The following NBEA variants were observed in gnomAD, a reference collection of about 807,000 sequenced individuals.
NBEA encodes lysosomal-trafficking regulator 2.
A neutral mutation model predicts 343.4 loss-of-function variants in NBEA; 44 were observed. That is an observed-to-expected ratio of 0.13 (90% CI 0.10 to 0.16). The LOEUF is 0.16. Ranked by LOEUF, NBEA falls within the 10% of genes least tolerant of loss-of-function variation. The pLI, the probability that NBEA is intolerant of heterozygous loss-of-function variation, is 1.00. For synonymous variants in NBEA, 1,175 were observed against 1,238.7 expected (o/e 0.95, Z 1.08); for missense variants, 2,555 against 3,631.3 (o/e 0.70, Z 7.62).
intron 1 of NBEA, among the ~76,000 whole-genome samples, chr13:34,983,038 A>G (rs1311214979): frequency 6.6e-6 from 1 of 152,066 alleles, no homozygotes; most frequent in African/African-American, 2.4e-5. Flanking sequence ...TTATTATTTT[A>G]TACTTTAAGT....
intron 40 of NBEA, among the ~76,000 whole-genome samples, chr13:35,454,173 A>G (rs2046443714): frequency 6.6e-6 from 1 of 152,220 alleles, no homozygotes. Context: ...CCTTGAATAC[A>G]GTGGAAAAGA....
chr13:35,346,048 G>A (rs982031316), intron 36 of NBEA, among the ~76,000 whole-genome samples: 1 of 152,030 alleles, frequency 6.6e-6, no homozygotes, highest in Admixed American at 6.6e-5. Flanking sequence ...AAGTGCCCAA[G>A]ATAGGGGAAC....
chr13:35,654,835 T>C lies in NBEA; in HGVS notation c.8036-20T>C, dbSNP rs2084735095. 2 of 1,555,318 alleles carry C rather than the reference T, an allele frequency of 1.3e-6. No homozygotes were observed. Among genetic ancestry groups the C allele is most frequent in the Non-Finnish European group, 1.7e-6 (2 of 1,159,536 alleles). On this transcript the variant is annotated intron_variant, in intron 53 of 58. Coordinates refer to ENST00000379939, the MANE Select transcript of NBEA (RefSeq NM_001385012.1). ...TCATATGGAATCTTTCTTCAAATGC[T>C]TTTTTCCATTTACTTTTAGCCAATA...
intron 36 of NBEA, among the ~76,000 whole-genome samples, chr13:35,333,948 T>C (rs1044552622): frequency 4.6e-5 from 7 of 152,122 alleles, no homozygotes; most frequent in African/African-American, 1.2e-4. Flanking sequence ...TCATCTGTTG[T>C]TGGACATTTA....
intron 34 of NBEA, among the ~76,000 whole-genome samples, chr13:35,243,064 A>G (rs1011818297): frequency 1.4e-4 from 22 of 151,900 alleles, no homozygotes; most frequent in African/African-American, 5.3e-4. Context: ...AAATGTAAAA[A>G]CAAACCTATG....
chr13:34,957,024 C>CACACACACACACATATAT (rs2059516916), intron 1 of NBEA, among the ~76,000 whole-genome samples: 1 of 134,858 alleles, frequency 7.4e-6, no homozygotes, highest in Non-Finnish European at 1.6e-5. Context: ...TATATATATA[C>CACACACACACACATATAT]ACACACACAC....
intron 1 of NBEA, among the ~76,000 whole-genome samples, chr13:34,992,238 G>GTGTGTATATA (rs775136249): frequency 1.6e-5 from 2 of 122,146 alleles, no homozygotes; most frequent in Non-Finnish European, 3.3e-5. Context: ...GTGTGTGTGT[G>GTGTGTATATA]TATATATATA....
At chr13:35,576,272 A>G (rs1405868099) in intron 45 of NBEA, among the ~76,000 whole-genome samples, 1 of 151,532 alleles carries the variant, frequency 6.6e-6, no homozygotes, top group Non-Finnish European at 1.5e-5. Flanking sequence ...GCCCACCTCC[A>G]TGCTTGGATA....
chr13:35,565,344 A>G (rs1293636827), intron 44 of NBEA, among the ~76,000 whole-genome samples: 1 of 152,186 alleles, frequency 6.6e-6, no homozygotes, highest in African/African-American at 2.4e-5. Context: ...TGGTGCTTGC[A>G]ATTACAGATT....
intron 8 of NBEA, among the ~76,000 whole-genome samples, chr13:35,069,587 C>T (rs1051271618): frequency 2.0e-5 from 3 of 152,030 alleles, no homozygotes; most frequent in African/African-American, 7.2e-5. Context: ...AAGAAAAATT[C>T]AACTTAAGCT....
At chr13:35,308,448 A>G (rs1012450186) in intron 35 of NBEA, among the ~76,000 whole-genome samples, 17 of 112,602 alleles carry the variant, frequency 1.5e-4, no homozygotes, top group East Asian at 2.5e-4. Context: ...CTATATATAT[A>G]TATATATATA....
intron 10 of NBEA, among the ~76,000 whole-genome samples, chr13:35,092,504 TTTC>T (rs2065138744): frequency 1.3e-5 from 2 of 152,110 alleles, no homozygotes; most frequent in South Asian, 4.1e-4. Flanking sequence ...AATAAAGGAC[TTTC>T]AGTCCTTAAC....
chr13:35,244,249 T>C (rs1463256789), intron 34 of NBEA, among the ~76,000 whole-genome samples: 1 of 151,888 alleles, frequency 6.6e-6, no homozygotes, highest in East Asian at 1.9e-4. Flanking sequence ...ACAACATATT[T>C]TGAATATGCC....
intron 25 of NBEA, 73 bp from the exon 26 acceptor site, chr13:35,171,199 T>A: frequency 9.9e-7 from 1 of 1,013,076 alleles, no homozygotes; most frequent in African/African-American, 1.6e-5. Flanking sequence ...TCACTTGTAG[T>A]ATGTATGTAT....
At chr13:35,125,764 A>G (rs1737587038) in intron 17 of NBEA, among the ~76,000 whole-genome samples, 1 of 152,198 alleles carries the variant, frequency 6.6e-6, no homozygotes, top group Non-Finnish European at 1.5e-5. Flanking sequence ...GCAGAAAAAT[A>G]TTGCTATGGA....
At chr13:35,427,839 G>A (rs1025107180) in intron 38 of NBEA, among the ~76,000 whole-genome samples, 1 of 152,152 alleles carries the variant, frequency 6.6e-6, no homozygotes, top group Non-Finnish European at 1.5e-5. Flanking sequence ...AATGGCGGGC[G>A]CCCCTTCCCC....
intron 39 of NBEA, among the ~76,000 whole-genome samples, chr13:35,441,649 A>C (rs2045742791): frequency 6.6e-6 from 1 of 152,208 alleles, no homozygotes; most frequent in South Asian, 2.1e-4. Flanking sequence ...CAGGTTTATA[A>C]ATTTACTAAA....
chr13:35,352,158 C>A lies in NBEA; in HGVS notation c.6014C>A (p.Ser2005Ter). Residue 2005 changes from serine (S) to a stop codon, truncating the protein, a stop_gained and splice_region_variant, in exon 38 of 59, where the codon TCA (serine) becomes TAA (stop). Transcript: ENST00000379939. LOFTEE classifies it high-confidence loss of function. ...TGCATCATTTGTATTTCTTTATAGT[C>A]ACAGTGTGCCCAATATGCTGCTGAT... Reference protein sequence around the residue: ...EDVHKHAEFESQCAQYAADRR... With the variant: ...EDVHKHAEFE The A allele has an allele frequency of 6.9e-7, 1 of 1,445,844 alleles. No homozygotes were observed. Among genetic ancestry groups the A allele is most frequent in the South Asian group, 1.7e-5 (1 of 60,000 alleles). The allele number at this position is 1,445,844 out of a possible 1,614,324, so 89.6% of individuals were successfully genotyped here.
At chr13:35,096,165 C>T (rs1369389922) in intron 10 of NBEA, among the ~76,000 whole-genome samples, 3 of 151,098 alleles carry the variant, frequency 2.0e-5, no homozygotes, top group African/African-American at 7.3e-5. Flanking sequence ...TTTACTATTA[C>T]GTCCACCATG....
Sources: allele counts gnomAD v4.1 joint callset (sites outside exome capture counted in the v4.1 genomes callset), GRCh38; gene constraint gnomAD v4.1.1; transcripts MANE v1.5; gene names NCBI Gene and HGNC (gene_info 2026-07-23, HGNC 2026-07-21).